Variants in SSPN observed in about 807,000 individuals in gnomAD.
SSPN encodes the protein sarcospan, also known as K-ras oncogene-associated protein.
In SSPN, 15 loss-of-function variants were observed where a neutral mutation model predicts 19.1. That is an observed-to-expected ratio of 0.78 (90% CI 0.52 to 1.21). The LOEUF is 1.21. SSPN is among the 50% of genes most tolerant of loss of function. SSPN has a pLI of 0.00. For synonymous variants in SSPN, 147 were observed against 140.3 expected (o/e 1.05, Z -0.34); for missense variants, 291 against 314.0 (o/e 0.93, Z 0.55).
At chr12:26,167,760 A>C (rs1031302120) in intron 1 of SSPN, among the ~76,000 whole-genome samples, 1 of 152,174 alleles carries the variant, frequency 6.6e-6, no homozygotes, top group African/African-American at 2.4e-5. Context: ...TCTGAAGTAG[A>C]ATTGGTTCTA....
intron 1 of SSPN, among the ~76,000 whole-genome samples, chr12:26,152,412 C>A (rs1465328787): frequency 1.3e-5 from 2 of 152,078 alleles, no homozygotes; most frequent in Admixed American, 1.3e-4. Context: ...AAATTTATAA[C>A]ATTTAATTTT....
At position 26,122,297 on chromosome 12, in the gene SSPN, G is replaced by A. The variant is rs1413869456; in HGVS notation, c.-31+145G>A. On this transcript the variant is annotated intron_variant, in intron 1 of 2. Transcript: ENST00000538142. ...GGCAGGGGAACGCGGCGGCGGCGGC[G>A]GCAGCGGCGGCGGCGGCTGCCGCGG... 11 of 1,182,406 alleles carry A rather than the reference G, an allele frequency of 9.3e-6. No homozygotes were observed. In the East Asian group the frequency reaches 1.5e-4, roughly 16 times the overall value. 73.2% of individuals were successfully genotyped at this position (1,182,406 alleles called of 1,614,324 possible). A position where few individuals can be genotyped will look rare whatever the true frequency, so the allele number is the denominator to read the frequency against.
At chr12:26,185,622 GT>G (rs1944748856) in intron 1 of SSPN, among the ~76,000 whole-genome samples, 1 of 152,184 alleles carries the variant, frequency 6.6e-6, no homozygotes, top group Non-Finnish European at 1.5e-5. Context: ...GTTGAGGTCA[GT>G]CTGAGATAAT....
At position 26,232,758 on chromosome 12, in the gene SSPN, T is replaced by G; in HGVS notation, c.*1682T>G. The G allele has an allele frequency of 1.0e-6, 1 of 975,044 alleles. No homozygotes were observed. The highest frequency in any genetic ancestry group is 1.2e-6 in the Non-Finnish European group (1 of 820,560). 60.4% of individuals were successfully genotyped at this position (975,044 alleles called of 1,614,324 possible). On this transcript the variant is annotated 3_prime_UTR_variant, in exon 3 of 3. Transcript: ENST00000242729. ...ACACCCGATTAACAGATGTTAAACCTTTTAATGTTTTGATTTGCTTTAAAA... is the reference window on the plus strand; with the variant it reads ...ACACCCGATTAACAGATGTTAAACCGTTTAATGTTTTGATTTGCTTTAAAA...
At chr12:26,204,898 A>G (rs1315063816) in intron 1 of SSPN, among the ~76,000 whole-genome samples, 37 of 152,222 alleles carry the variant, frequency 2.4e-4, no homozygotes, top group Admixed American at 2.4e-3. Flanking sequence ...AGGGATGGCC[A>G]CGATGGGATA....
rs74343321 is a variant in SSPN, at chr12:26,149,236, A to G, written c.-31+27084A>G. On this transcript the variant is annotated intron_variant, in intron 1 of 2. Transcript: ENST00000538142. ...ACATTCAATAAAAGTCTACTTGTCT[A>G]TAACTCTTGGGATTAGAAATGCTTA... Among the ~76,000 whole-genome samples, 836 of 152,192 alleles carry G rather than the reference A, an allele frequency of 5.5e-3. 7 individuals carry two copies. Among genetic ancestry groups the G allele is most frequent in the Admixed American group, 7.5e-3 (114 of 15,276 alleles).
At chr12:26,163,563 A>G (rs995285682) in intron 1 of SSPN, among the ~76,000 whole-genome samples, 1 of 152,206 alleles carries the variant, frequency 6.6e-6, no homozygotes, top group Non-Finnish European at 1.5e-5. Flanking sequence ...AGAAGGCAAA[A>G]AGGCAAGTGA....
intron 1 of SSPN, among the ~76,000 whole-genome samples, chr12:26,157,166 G>C (rs1323818559): frequency 6.6e-6 from 1 of 152,096 alleles, no homozygotes; most frequent in African/African-American, 2.4e-5. Flanking sequence ...TTTGTGGTAG[G>C]GTTTTCCGGG....
At chr12:26,207,132 C>T (rs1944937870) in intron 1 of SSPN, among the ~76,000 whole-genome samples, 2 of 152,138 alleles carry the variant, frequency 1.3e-5, no homozygotes, top group African/African-American at 4.8e-5. Context: ...GGAATGACTC[C>T]AGCTTTGGAG....
chr12:26,122,265 G>T, intron 1 of SSPN: 1 of 1,228,334 alleles, frequency 8.1e-7, no homozygotes, highest in Non-Finnish European at 1.0e-6. Context: ...CGACAACACC[G>T]AGGACAGGCA....
chr12:26,225,013 G>T (rs1565694350), intron 2 of SSPN, among the ~76,000 whole-genome samples: 1 of 152,166 alleles, frequency 6.6e-6, no homozygotes, highest in Admixed American at 6.5e-5. Context: ...ACCTTTCAGA[G>T]TATAAGGACA....
rs560667823 is a variant in SSPN at position 26,202,136 on chromosome 12, T to G, written c.279+6185T>G. Among the ~76,000 whole-genome samples the G allele has an allele frequency of 2.0e-5, 3 of 152,316 alleles. No homozygotes were observed. The East Asian group carries it at 5.8e-4, about 29-fold the overall frequency. On this transcript the variant is annotated intron_variant, in intron 1 of 2. Transcript: ENST00000242729. Reference sequence around the variant, plus strand: ...ACAATATAAATACTATGTAAACAGTTGACACACTATATTATTGAGGGAATA... The same window carrying G: ...ACAATATAAATACTATGTAAACAGTGGACACACTATATTATTGAGGGAATA...
chr12:26,166,189 G>A (rs187059609), intron 1 of SSPN, among the ~76,000 whole-genome samples: 1 of 152,214 alleles, frequency 6.6e-6, no homozygotes, highest in Admixed American at 6.5e-5. Context: ...GTTGATGAGT[G>A]TAGCAAACCA....
intron 1 of SSPN, chr12:26,122,950 C>T (rs773324416): frequency 9.6e-6 from 15 of 1,556,946 alleles, no homozygotes; most frequent in Non-Finnish European, 1.2e-5. Context: ...GCGCCGGTGC[C>T]TTTGCTCAGA....
intron 1 of SSPN, among the ~76,000 whole-genome samples, chr12:26,205,807 G>C (rs1359993892): frequency 6.6e-6 from 1 of 152,184 alleles, no homozygotes; most frequent in East Asian, 1.9e-4. Flanking sequence ...GAATCTTTTA[G>C]TTTATGAGTT....
intron 1 of SSPN, among the ~76,000 whole-genome samples, chr12:26,177,872 A>G (rs1427874171): frequency 6.6e-6 from 1 of 152,162 alleles, no homozygotes; most frequent in Non-Finnish European, 1.5e-5. Flanking sequence ...GTGTATCATG[A>G]CTGCTCATCT....
chr12:26,202,122 A>T (rs972398619), intron 1 of SSPN, among the ~76,000 whole-genome samples: 1 of 152,222 alleles, frequency 6.6e-6, no homozygotes, highest in African/African-American at 2.4e-5. Context: ...CAATATAAAT[A>T]CTATGTAAAC....
intron 1 of SSPN, among the ~76,000 whole-genome samples, chr12:26,132,594 C>G (rs1007588680): frequency 3.3e-5 from 5 of 152,206 alleles, no homozygotes; most frequent in Non-Finnish European, 5.9e-5. Context: ...TTCTCCCTTG[C>G]TTTCCTGAGC....
chr12:26,194,505 C>A (rs1050672104), upstream of SSPN, among the ~76,000 whole-genome samples: 1 of 152,186 alleles, frequency 6.6e-6, no homozygotes, highest in African/African-American at 2.4e-5. Flanking sequence ...CCTGCCTCAG[C>A]CTCCCGAGTA....
Sources: gnomAD v4.1 joint callset for allele counts (sites outside exome capture counted in the v4.1 genomes callset) on GRCh38, gnomAD v4.1.1 for gene constraint, MANE v1.5 for transcripts, NCBI Gene and HGNC (gene_info 2026-07-23, HGNC 2026-07-21) for gene names.